IQSEC1: variants seen among roughly 807,000 people sequenced by gnomAD.
IQSEC1 encodes IQ motif and Sec7 domain ArfGEF 1.
Under a neutral mutation model 91.0 loss-of-function variants are expected in IQSEC1, and 31 were observed. The observed-to-expected ratio is 0.34, with a 90% CI of 0.26 to 0.46. The LOEUF is 0.46. IQSEC1 is among the 20% of genes least tolerant of loss of function. The pLI is 1.00. For synonymous variants in IQSEC1, 699 were observed against 662.6 expected (o/e 1.05, Z -0.84); for missense variants, 1,388 against 1,575.6 (o/e 0.88, Z 2.02).
chr3:13,035,737 CTTCA>C (rs536098747), intron 1 of IQSEC1, among the ~76,000 whole-genome samples: 1 of 152,196 alleles, frequency 6.6e-6, no homozygotes, highest in Non-Finnish European at 1.5e-5. Context: ...AGTTTAAGTC[CTTCA>C]CCATGGGCTT....
intron 1 of IQSEC1, among the ~76,000 whole-genome samples, chr3:13,055,563 CAA>C (rs892930016): frequency 3.3e-5 from 5 of 152,208 alleles, no homozygotes; most frequent in African/African-American, 1.2e-4. Context: ...AGGCATAACT[CAA>C]AGAGTGAATC....
At chr3:12,920,202 G>C (rs1310852109) in intron 6 of IQSEC1, among the ~76,000 whole-genome samples, 1 of 152,168 alleles carries the variant, frequency 6.6e-6, no homozygotes. Flanking sequence ...CCAACACCTC[G>C]AGACCCCGGC....
At chr3:13,236,882 T>C (rs1694938491) in intron 1 of IQSEC1, among the ~76,000 whole-genome samples, 2 of 152,062 alleles carry the variant, frequency 1.3e-5, no homozygotes, top group Admixed American at 1.3e-4. Flanking sequence ...GGGGTGTTTT[T>C]GGGGAAACAA....
rs557818970 is a variant in IQSEC1, at chr3:12,922,581, T to C, written c.1731-339A>G. On this transcript the variant is annotated intron_variant, in intron 4 of 13. Transcript: ENST00000613206. The surrounding 1 kb of genome is among the most constrained non-coding windows in gnomAD (Gnocchi z 5.1). ...AGCACAGCCCTCACCAGGCACACAGTGGACGCCACTGTGAGTCTCCTCTCC... is the reference window on the plus strand; with the variant it reads ...AGCACAGCCCTCACCAGGCACACAGCGGACGCCACTGTGAGTCTCCTCTCC... Among the ~76,000 whole-genome samples, 1 of 152,248 alleles carries C rather than the reference T, an allele frequency of 6.6e-6. No individual in the cohort carries two copies. Among genetic ancestry groups the C allele is most frequent in the Non-Finnish European group, 1.5e-5 (1 of 68,030 alleles).
rs868528837 is a variant in IQSEC1 at position 12,967,827 on chromosome 3, G to A, written c.24-25962C>T. 121 of 340,152 alleles carry A rather than the reference G, an allele frequency of 3.6e-4. No homozygotes were observed. The highest frequency in any genetic ancestry group is 2.7e-3 in the African/African-American group (114 of 42,860). The allele number at this position is 340,152 out of a possible 1,614,324, so 21.1% of individuals were successfully genotyped here. On this transcript the variant is annotated intron_variant, in intron 1 of 13. Transcript: ENST00000613206. The surrounding 1 kb of genome is among the most constrained non-coding windows in gnomAD (Gnocchi z 5.9). Reference sequence around the variant, plus strand: ...GCTGCGCGCGGGGGCGAGACTGCACGGAGCGTGTGGGGAAGAGAGCACAGG... The same window carrying A: ...GCTGCGCGCGGGGGCGAGACTGCACAGAGCGTGTGGGGAAGAGAGCACAGG...
intron 1 of IQSEC1, among the ~76,000 whole-genome samples, chr3:13,054,800 C>T (rs2051398197): frequency 6.6e-6 from 1 of 152,216 alleles, no homozygotes; most frequent in African/African-American, 2.4e-5. Context: ...GGTGGGACCC[C>T]AGGAGCCACG....
At chr3:12,956,120 C>T (rs1282634179) in intron 1 of IQSEC1, among the ~76,000 whole-genome samples, 10 of 152,186 alleles carry the variant, frequency 6.6e-5, no homozygotes, top group Non-Finnish European at 1.3e-4. Flanking sequence ...CAGCCGCATC[C>T]ATCAGACAGC....
At position 12,908,436 on chromosome 3, in the gene IQSEC1, G is replaced by A. The variant is rs374319490; in HGVS notation, c.2668C>T (p.Arg890Trp). 14 of 1,613,332 alleles carry A rather than the reference G, an allele frequency of 8.7e-6. No individual in the cohort carries two copies. Among genetic ancestry groups the A allele is most frequent in the African/African-American group, 2.7e-5 (2 of 74,916 alleles). ...KKESGNGTLS[R>W]ACLDDSYASG... ...GCATAGCTGTCGTCCAGGCAGGCCC[G>A]GCTCAGTGTTCCGTTGCCCGACTCC... The change falls in exon 12 of 14, where the codon CGG (arginine) becomes TGG (tryptophan). Residue 890 changes from arginine to tryptophan, a missense_variant. By Grantham distance (101) the Arg-to-Trp change is moderately radical. Around this residue, in one of 2 missense-constraint regions of IQSEC1, gnomAD observed 1,059 missense variants for 1,317.8 expected, o/e 0.80. Transcript: ENST00000613206. The surrounding 1 kb of genome is among the most constrained non-coding windows in gnomAD (Gnocchi z 4.9).
At chr3:13,179,037 C>T (rs1034072252) in intron 1 of IQSEC1, among the ~76,000 whole-genome samples, 1 of 152,204 alleles carries the variant, frequency 6.6e-6, no homozygotes, top group Admixed American at 6.5e-5. Flanking sequence ...CTCCCTAGTT[C>T]CTGTTTCTTA....
intron 1 of IQSEC1, among the ~76,000 whole-genome samples, chr3:13,180,552 A>C (rs1037812231): frequency 6.6e-6 from 1 of 152,150 alleles, no homozygotes; most frequent in Non-Finnish European, 1.5e-5. Flanking sequence ...TGCCCGAGCC[A>C]GCAGTGGCAA....
intron 1 of IQSEC1, among the ~76,000 whole-genome samples, chr3:13,260,249 G>C (rs1576313963): frequency 6.6e-6 from 1 of 152,228 alleles, no homozygotes; most frequent in Non-Finnish European, 1.5e-5. Flanking sequence ...GCTAGTTAAC[G>C]ATGTTCTCTG....
At chr3:12,968,492 CT>C (rs147071768) in intron 1 of IQSEC1, among the ~76,000 whole-genome samples, 9 of 152,328 alleles carry the variant, frequency 5.9e-5, no homozygotes, top group East Asian at 3.9e-4. Context: ...GGAGTTACCC[CT>C]GGCCTCATTT....
chr3:13,137,939 T>C (rs1415442144), intron 2 of IQSEC1, among the ~76,000 whole-genome samples: 1 of 152,208 alleles, frequency 6.6e-6, no homozygotes, highest in Non-Finnish European at 1.5e-5. Flanking sequence ...ATCTGACCAC[T>C]AGACAGACCC....
At chr3:12,927,528 C>T (rs541367539) in intron 3 of IQSEC1, among the ~76,000 whole-genome samples, 1 of 152,270 alleles carries the variant, frequency 6.6e-6, no homozygotes, top group Non-Finnish European at 1.5e-5. Context: ...CCAGCCGGGT[C>T]CCGCCTTCTG....
intron 6 of IQSEC1, among the ~76,000 whole-genome samples, chr3:12,919,513 C>T (rs1250808123): frequency 3.3e-5 from 5 of 152,198 alleles, no homozygotes; most frequent in African/African-American, 1.2e-4. Context: ...TGGAGCTGCT[C>T]CCTGGAGAGT....
intron 1 of IQSEC1, among the ~76,000 whole-genome samples, chr3:13,255,308 C>T (rs138356942): frequency 1.8e-3 from 267 of 152,230 alleles, no homozygotes; most frequent in Middle Eastern, 3.4e-3. Context: ...CCTTGTGAGA[C>T]GGAGGTCTGT....
At chr3:13,280,035 A>T (rs1052349616) in intron 1 of IQSEC1, among the ~76,000 whole-genome samples, 2 of 152,206 alleles carry the variant, frequency 1.3e-5, no homozygotes, top group African/African-American at 4.8e-5. Flanking sequence ...ACTGTATACC[A>T]GTTTCCTCCA....
chr3:13,047,404 G>T, intron 1 of IQSEC1: 1 of 848,520 alleles, frequency 1.2e-6, no homozygotes, highest in Non-Finnish European at 1.4e-6. Flanking sequence ...TTGGAGGCCT[G>T]CCTCTGGGTG....
In IQSEC1 at chr3:12,900,188, G is replaced by A. The variant is rs1694091299; in HGVS notation, c.*795C>T. The A allele has an allele frequency of 2.1e-6, 2 of 974,690 alleles. No homozygotes were observed. The highest frequency in any genetic ancestry group is 6.2e-5 in the Admixed American group (1 of 16,256). 60.4% of individuals were successfully genotyped at this position (974,690 alleles called of 1,614,324 possible). On this transcript the variant is annotated 3_prime_UTR_variant, in exon 14 of 14. Coordinates refer to ENST00000613206, the MANE Select transcript of IQSEC1 (RefSeq NM_001134382.3). ...ATAAGGATTTATACAAAGCAATACT[G>A]GACTTTTTAAACAGTTAGATGCTAT...
Sources: allele counts gnomAD v4.1 joint callset (sites outside exome capture counted in the v4.1 genomes callset), GRCh38; gene constraint gnomAD v4.1.1; regional missense constraint gnomAD v4.1.1; non-coding constraint Gnocchi (gnomAD v3.1); transcripts MANE v1.5; gene names NCBI Gene and HGNC (gene_info 2026-07-23, HGNC 2026-07-21).